Variants in DDR2 observed in about 807,000 individuals in gnomAD.
The protein encoded by DDR2 is discoidin domain-containing receptor 2.
In DDR2, 27 loss-of-function variants were observed where a neutral mutation model predicts 94.9. That is an observed-to-expected ratio of 0.28 (90% CI 0.21 to 0.39). The LOEUF (loss-of-function observed/expected upper bound fraction) is 0.39, where lower values mean the gene tolerates loss of function less well. Among genes scored for constraint, DDR2 ranks in the 10% least tolerant of loss-of-function variants. DDR2 has a pLI of 1.00. For missense variants in DDR2, 783 were observed against 1,076.0 expected (o/e 0.73, Z 3.81); for synonymous variants, 382 against 377.2 (o/e 1.01, Z -0.15).
chr1:162,694,692 A>G (rs933957704), intron 2 of DDR2, among the ~76,000 whole-genome samples: 15 of 152,220 alleles, frequency 9.9e-5, no homozygotes, highest in African/African-American at 3.6e-4. Flanking sequence ...AAATTTCTCA[A>G]TAAATATTAA....
chr1:162,645,796 A>G (rs1367173548), intron 1 of DDR2, among the ~76,000 whole-genome samples: 2 of 152,136 alleles, frequency 1.3e-5, no homozygotes, highest in African/African-American at 2.4e-5. Flanking sequence ...AATTTTTTAA[A>G]TTGTTTACTC....
intron 2 of DDR2, among the ~76,000 whole-genome samples, chr1:162,664,716 G>T (rs1163014065): frequency 6.6e-6 from 1 of 152,028 alleles, no homozygotes; most frequent in African/African-American, 2.4e-5. Context: ...GACCATTTTT[G>T]TTTCCTTATG....
At position 162,656,850 on chromosome 1, in the gene DDR2, A is replaced by C. The variant is rs10917582; in HGVS notation, c.-28+1476A>C. Among the ~76,000 whole-genome samples the C allele has an allele frequency of 4.0e-5, 4 of 99,726 alleles. 1 individual carries two copies. The Admixed American group carries it at 4.6e-4, about 11-fold the overall frequency. 65.4% of individuals were successfully genotyped at this position (99,726 alleles called of 152,430 possible). On this transcript the variant is annotated intron_variant, in intron 2 of 17. Coordinates refer to ENST00000367921, the MANE Select transcript of DDR2 (RefSeq NM_006182.4). ...CCACTGGAGTTTTTTTTTTTTTTTT[A>C]TTTTTTTTGTTAACAGGGTTTTGCT...
At chr1:162,638,396 CG>C (rs747955389) in intron 1 of DDR2, among the ~76,000 whole-genome samples, 7 of 152,270 alleles carry the variant, frequency 4.6e-5, no homozygotes, top group Admixed American at 2.0e-4. Context: ...TTATGGCTAT[CG>C]TTCTATGTCT....
chr1:162,770,690 T>C (rs1180075359), intron 12 of DDR2, 178 bp downstream of exon 12: 1 of 736,864 alleles, frequency 1.4e-6, no homozygotes, highest in Admixed American at 2.0e-5. Context: ...TTTGAGCAAC[T>C]CTCCTTTGCT....
At chr1:162,673,791 T>C (rs892640198) in intron 2 of DDR2, among the ~76,000 whole-genome samples, 6 of 152,042 alleles carry the variant, frequency 3.9e-5, no homozygotes, top group Non-Finnish European at 5.9e-5. Context: ...TTTCCCCCCA[T>C]GGACCATGCT....
At chr1:162,715,034 T>C (rs745502640) in intron 2 of DDR2, among the ~76,000 whole-genome samples, 9 of 152,192 alleles carry the variant, frequency 5.9e-5, no homozygotes, top group Non-Finnish European at 1.3e-4. Context: ...ATTGTTTAAA[T>C]ATTGAACCCT....
At chr1:162,660,375 CT>C (rs534586555) in intron 2 of DDR2, among the ~76,000 whole-genome samples, 112 of 60,404 alleles carry the variant, frequency 1.9e-3, no homozygotes, top group African/African-American at 4.5e-3. Context: ...TACTTATGTT[CT>C]GCTCCAATAT....
Position 162,770,295 on chromosome 1 carries a change from C to T in DDR2, c.1294-7C>T. On this transcript the variant is annotated splice_polypyrimidine_tract_variant and splice_region_variant and intron_variant, in intron 11 of 17. Coordinates refer to ENST00000367921, the MANE Select transcript of DDR2 (RefSeq NM_006182.4). ...AACATGCCTTTCTCCTTGCTCTTCT[C>T]TTCCAGGCTTCTCGGAGGATGCTGG... 1 of 1,613,916 alleles carries T rather than the reference C, an allele frequency of 6.2e-7. No individual in the cohort carries two copies. The highest frequency in any genetic ancestry group is 8.5e-7 in the Non-Finnish European group (1 of 1,179,988).
Position 162,741,699 on chromosome 1 carries a change from G to A in DDR2, c.83-11396G>A, listed in dbSNP as rs374815614. On this transcript the variant is annotated intron_variant, in intron 3 of 17. Coordinates refer to ENST00000367921, the MANE Select transcript of DDR2 (RefSeq NM_006182.4). ...GCCTGAGGGAGACATACACACAGGT[G>A]ACAGTCACAAAGGGTAAGTGAAGTT... The A allele has an allele frequency of 1.7e-5, 17 of 985,352 alleles. No homozygotes were observed. The African/African-American group carries it at 3.0e-4, about 17-fold the overall frequency. 61.0% of individuals were successfully genotyped at this position (985,352 alleles called of 1,614,324 possible).
intron 3 of DDR2, among the ~76,000 whole-genome samples, chr1:162,732,467 T>G (rs1315314734): frequency 6.6e-6 from 1 of 152,176 alleles, no homozygotes; most frequent in African/African-American, 2.4e-5. Flanking sequence ...GACCTGAATT[T>G]CAGTCCTGGT....
intron 8 of DDR2, among the ~76,000 whole-genome samples, chr1:162,760,358 T>TTGTGTGTGTG (rs113653768): frequency 1.4e-3 from 207 of 143,036 alleles, no homozygotes; most frequent in African/African-American, 4.7e-3. Flanking sequence ...ACCAGCACAG[T>TTGTGTGTGTG]TGTGTGTGTG....
intron 2 of DDR2, among the ~76,000 whole-genome samples, chr1:162,663,945 G>A (rs892331599): frequency 6.6e-6 from 1 of 152,156 alleles, no homozygotes; most frequent in Admixed American, 6.5e-5. Flanking sequence ...GTGGACTTGA[G>A]CCCTGTACTC....
chr1:162,729,357 G>C (rs1661906432), intron 3 of DDR2, among the ~76,000 whole-genome samples: 1 of 132,868 alleles, frequency 7.5e-6, no homozygotes, highest in African/African-American at 2.9e-5. Context: ...CTTAGCTCTT[G>C]GTCCTGGCCT....
At chr1:162,661,695 A>G (rs1159651598) in intron 2 of DDR2, among the ~76,000 whole-genome samples, 1 of 152,204 alleles carries the variant, frequency 6.6e-6, no homozygotes, top group Non-Finnish European at 1.5e-5. Flanking sequence ...GGACCCGTGT[A>G]ATCACTGGAG....
At chr1:162,684,924 A>G (rs867133060) in intron 2 of DDR2, among the ~76,000 whole-genome samples, 14 of 152,170 alleles carry the variant, frequency 9.2e-5, no homozygotes, top group Middle Eastern at 3.4e-3. Flanking sequence ...TGCACTTTAA[A>G]AAGCAGGAAA....
intron 2 of DDR2, among the ~76,000 whole-genome samples, chr1:162,690,077 C>T (rs916992946): frequency 3.3e-5 from 5 of 150,704 alleles, no homozygotes; most frequent in African/African-American, 1.2e-4. Context: ...CCTGTCTTAT[C>T]ATTTGTGGCC....
intron 2 of DDR2, among the ~76,000 whole-genome samples, chr1:162,677,453 T>C (rs191936399): frequency 1.2e-4 from 18 of 152,348 alleles, no homozygotes; most frequent in Middle Eastern, 3.4e-3. Flanking sequence ...GCTCTACTCA[T>C]GGATAAATCA....
Position 162,676,037 on chromosome 1 carries a change from CTG to C in DDR2, c.-28+20672_-28+20673del, listed in dbSNP as rs749270332. ...TGTTTATAGGCAAGTGAGTTGAAAA[CTG>C]TGTGTGTGCTTAAGTTGGAATGTAC... is the stretch of plus-strand genomic sequence containing the variant. On this transcript the variant is annotated intron_variant, in intron 2 of 17. Transcript: ENST00000367921. Among the ~76,000 whole-genome samples the C allele has an allele frequency of 4.6e-5, 7 of 152,114 alleles. No homozygotes were observed. The South Asian group carries it at 1.0e-3, about 23-fold the overall frequency.
Sources: allele counts gnomAD v4.1 joint callset (sites outside exome capture counted in the v4.1 genomes callset), GRCh38; gene constraint gnomAD v4.1.1; transcripts MANE v1.5; gene names NCBI Gene and HGNC (gene_info 2026-07-23, HGNC 2026-07-21).